Variants in TRIM44 observed in about 807,000 individuals in gnomAD.
TRIM44 encodes tripartite motif containing 44.
TRIM44 carries 13 observed loss-of-function variants against 37.4 expected under a neutral mutation model. The ratio of observed to expected loss-of-function variants is 0.35; its 90% CI spans 0.23 to 0.55. The LOEUF is 0.55. TRIM44 is among the 20% of genes least tolerant of loss of function. The pLI is 0.89. For synonymous variants in TRIM44, 175 were observed against 157.2 expected, an observed-to-expected ratio of 1.11 and a Z score of -0.85; for missense variants, 426 against 437.2, an observed-to-expected ratio of 0.97 and a Z score of 0.23.
intron 2 of TRIM44, among the ~76,000 whole-genome samples, chr11:35,721,403 A>C (rs1852105157): frequency 6.6e-6 from 1 of 152,182 alleles, no homozygotes; most frequent in South Asian, 2.1e-4. Context: ...TTTGGTATTT[A>C]TTTTGGTCTT....
chr11:35,755,459 G>C (rs1421816570), intron 4 of TRIM44, among the ~76,000 whole-genome samples: 5 of 152,146 alleles, frequency 3.3e-5, no homozygotes, highest in African/African-American at 1.2e-4. Flanking sequence ...TAGGTTGCCT[G>C]TTCACTCTGA....
rs942421460 is a variant in TRIM44, at chr11:35,806,452, G to C, written c.*67G>C. ...GTGTATGTGACAGCGTGTATGTAAC[G>C]GCTTCTGATTTCTGTGAAAGCTGCT... On this transcript the variant is annotated 3_prime_UTR_variant, in exon 5 of 5. Transcript: ENST00000299413. 5 of 1,557,188 alleles carry C rather than the reference G, an allele frequency of 3.2e-6. No individual in the cohort carries two copies. In the East Asian group the frequency reaches 9.0e-5, roughly 28 times the overall value.
At chr11:35,700,761 TC>T (rs1041640930) in intron 2 of TRIM44, among the ~76,000 whole-genome samples, 6 of 152,174 alleles carry the variant, frequency 3.9e-5, no homozygotes, top group African/African-American at 1.4e-4. Flanking sequence ...ATTCCATATG[TC>T]CCCGGGACTT....
intron 2 of TRIM44, among the ~76,000 whole-genome samples, chr11:35,708,936 G>T (rs555402399): frequency 9.1e-4 from 137 of 151,150 alleles, no homozygotes; most frequent in African/African-American, 3.2e-3. Flanking sequence ...AATAAAAAAT[G>T]AAAACACATT....
At chr11:35,720,241 G>T (rs933743416) in intron 2 of TRIM44, among the ~76,000 whole-genome samples, 2 of 151,928 alleles carry the variant, frequency 1.3e-5, no homozygotes, top group Non-Finnish European at 2.9e-5. Flanking sequence ...GATCTTGTAC[G>T]TATTTTGTTA....
chr11:35,737,594 G>T (rs1852341574), intron 4 of TRIM44, among the ~76,000 whole-genome samples: 1 of 152,174 alleles, frequency 6.6e-6, no homozygotes, highest in African/African-American at 2.4e-5. Context: ...CCAGGACTTT[G>T]GGAGGCCGAG....
At position 35,815,303 on chromosome 11, in the gene TRIM44, C is replaced by T. The variant is rs932803789; in HGVS notation, c.*8918C>T. On this transcript the variant is annotated 3_prime_UTR_variant, in exon 5 of 5. Transcript: ENST00000299413. ...CTTTTCTATATTTGGTTTCTCTCCA[C>T]ACATTATGAGACCTTTTAGACCCAG... 3 of 152,138 alleles carry T rather than the reference C, an allele frequency of 2.0e-5. No homozygotes were observed. Among genetic ancestry groups the T allele is most frequent in the Admixed American group, 1.3e-4 (2 of 15,268 alleles). 9.4% of individuals were successfully genotyped at this position (152,138 alleles called of 1,614,324 possible).
At chr11:35,779,227 G>A (rs1242833398) in intron 4 of TRIM44, among the ~76,000 whole-genome samples, 6 of 152,202 alleles carry the variant, frequency 3.9e-5, no homozygotes, top group Non-Finnish European at 8.8e-5. Flanking sequence ...GGCTCTGTGG[G>A]CATGGGACCC....
At chr11:35,763,730 C>T (rs891744426) in intron 4 of TRIM44, among the ~76,000 whole-genome samples, 8 of 152,200 alleles carry the variant, frequency 5.3e-5, no homozygotes, top group Non-Finnish European at 1.0e-4. Flanking sequence ...CATTTGTCTG[C>T]TTCTATTGGG....
intron 2 of TRIM44, among the ~76,000 whole-genome samples, chr11:35,717,746 T>G (rs1381251852): frequency 6.6e-6 from 1 of 151,996 alleles, no homozygotes; most frequent in Non-Finnish European, 1.5e-5. Context: ...AGCACCAAGA[T>G]AGAAGCAGAG....
chr11:35,675,031 A>G (rs1851444087), intron 1 of TRIM44, among the ~76,000 whole-genome samples: 1 of 152,212 alleles, frequency 6.6e-6, no homozygotes, highest in Admixed American at 6.5e-5. Flanking sequence ...CATTTATTGT[A>G]GCACTAAATA....
intron 4 of TRIM44, among the ~76,000 whole-genome samples, chr11:35,787,996 AGTT>A (rs1362904482): frequency 2.0e-5 from 3 of 152,126 alleles, no homozygotes; most frequent in African/African-American, 7.2e-5. Flanking sequence ...AGCCTATGGC[AGTT>A]GTTCATGCTT....
At chr11:35,781,395 C>T (rs1853064102) in intron 4 of TRIM44, among the ~76,000 whole-genome samples, 2 of 152,146 alleles carry the variant, frequency 1.3e-5, no homozygotes, top group Admixed American at 1.3e-4. Context: ...CTGCACAAGT[C>T]CCAGAGACAA....
At chr11:35,752,037 A>C (rs1441660289) in intron 4 of TRIM44, among the ~76,000 whole-genome samples, 1 of 152,134 alleles carries the variant, frequency 6.6e-6, no homozygotes, top group African/African-American at 2.4e-5. Context: ...CTTTTGTTCA[A>C]AACATAACTC....
chr11:35,724,452 C>G (rs1564978920), intron 2 of TRIM44: 1 of 152,200 alleles, frequency 6.6e-6, no homozygotes, highest in Non-Finnish European at 1.5e-5. Flanking sequence ...GTTCTAAAAT[C>G]CTCCATTGGC....
intron 4 of TRIM44, among the ~76,000 whole-genome samples, chr11:35,755,418 G>A (rs1852623558): frequency 6.6e-6 from 1 of 152,140 alleles, no homozygotes; most frequent in Non-Finnish European, 1.5e-5. Flanking sequence ...TTTGTCAGAT[G>A]AGTAGATTGC....
chr11:35,778,380 CT>C (rs1044356926), intron 4 of TRIM44, among the ~76,000 whole-genome samples: 5 of 152,146 alleles, frequency 3.3e-5, no homozygotes, highest in African/African-American at 1.2e-4. Context: ...AGGTTTTTAG[CT>C]TCTTTGCGAT....
At chr11:35,762,231 G>A (rs575822589) in intron 4 of TRIM44, among the ~76,000 whole-genome samples, 3 of 152,132 alleles carry the variant, frequency 2.0e-5, no homozygotes, top group African/African-American at 7.2e-5. Context: ...TCCAATTGAG[G>A]GCTATTTTCT....
intron 3 of TRIM44, among the ~76,000 whole-genome samples, chr11:35,732,313 T>C (rs1286610972): frequency 6.6e-6 from 1 of 152,168 alleles, no homozygotes; most frequent in Non-Finnish European, 1.5e-5. Context: ...CCATCAGATA[T>C]CACAAAGAGC....
Sources: allele counts gnomAD v4.1 joint callset (sites outside exome capture counted in the v4.1 genomes callset), GRCh38; gene constraint gnomAD v4.1.1; transcripts MANE v1.5; gene names NCBI Gene and HGNC (gene_info 2026-07-23, HGNC 2026-07-21).